PTPRN2: variants seen among roughly 807,000 people sequenced by gnomAD.
The protein encoded by PTPRN2 is protein tyrosine phosphatase receptor type N2.
PTPRN2 carries 74 observed loss-of-function variants against 118.8 expected under a neutral mutation model. That is an observed-to-expected ratio of 0.62 (90% confidence interval 0.52 to 0.76). PTPRN2 has a LOEUF of 0.76. Ranked by LOEUF, PTPRN2 falls within the 30% of genes least tolerant of loss-of-function variation. PTPRN2 has a pLI of 0.00. For synonymous variants in PTPRN2, 641 were observed against 608.0 expected (o/e 1.05, Z -0.80); for missense variants, 1,481 against 1,394.4 (o/e 1.06, Z -0.99).
Position 158,310,870 on chromosome 7 carries a change from C to CGGACAGAGCGCAAG in PTPRN2, c.277+5948_277+5949insCTTGCGCTCTGTCC, listed in dbSNP as rs1563116974. ...ATCCCACGGAGGGCGAGCCCTGAGC[C>CGGACAGAGCGCAAG]TGACAGAGCGCGAGTCACACGGAGG... is the stretch of plus-strand genomic sequence containing the variant. On this transcript the variant is annotated intron_variant, in intron 3 of 22. Transcript: ENST00000389418. 6.1e-5 allele frequency among the ~76,000 whole-genome samples: 4 copies of CGGACAGAGCGCAAG among 65,280 alleles called. 2 individuals carry two copies. The highest frequency in any genetic ancestry group is 1.5e-4 in the Non-Finnish European group (4 of 27,446). 42.8% of individuals were successfully genotyped at this position (65,280 alleles called of 152,430 possible). A position where few individuals can be genotyped will look rare whatever the true frequency, so the allele number is the denominator to read the frequency against.
At chr7:157,915,774 T>C (rs1798362440) in intron 11 of PTPRN2, among the ~76,000 whole-genome samples, 1 of 152,302 alleles carries the variant, frequency 6.6e-6, no homozygotes, top group East Asian at 1.9e-4. Flanking sequence ...TCACTTGGCT[T>C]GGGATCTCCA....
chr7:158,071,067 T>TCGTGGTGGTGGAGGTGCC (rs1585332086), intron 11 of PTPRN2, among the ~76,000 whole-genome samples: 1 of 50,466 alleles, frequency 2.0e-5, no homozygotes, highest in Non-Finnish European at 3.6e-5. Flanking sequence ...GTGGAGGTGC[T>TCGTGGTGGTGGAGGTGCC]CGTGGTGGTG....
intron 21 of PTPRN2, among the ~76,000 whole-genome samples, chr7:157,558,638 G>C (rs559226435): frequency 1.3e-5 from 2 of 152,348 alleles, no homozygotes; most frequent in South Asian, 2.1e-4. Context: ...CTCATGCACT[G>C]GTCCAGCGGG....
Position 157,767,545 on chromosome 7 carries a change from C to T in PTPRN2, c.1789-84608G>A, listed in dbSNP as rs117897634. 6.8e-3 allele frequency among the ~76,000 whole-genome samples: 1,029 copies of T among 152,346 alleles called. 29 individuals are homozygous for T. Among genetic ancestry groups the T allele is most frequent in the Admixed American group, 0.046 (711 of 15,298 alleles). On this transcript the variant is annotated intron_variant, in intron 12 of 22. Coordinates refer to ENST00000389418, the MANE Select transcript of PTPRN2 (RefSeq NM_002847.5). ...ATACAGCAGTAAGAATGCTCCTGCT[C>T]TCCCAGGAAACACTGCATTGGGGAA...
rs1386329003 is a variant in PTPRN2, at chr7:157,655,851, G to A, written c.2196+506C>T. 2.0e-5 allele frequency among the ~76,000 whole-genome samples: 3 copies of A among 152,070 alleles called. No individual in the cohort carries two copies. The South Asian group carries it at 6.2e-4, about 32-fold the overall frequency. Reference sequence around the variant, plus strand: ...CCCTGGAAAAGGCCGCTGAAGCCGCGTCGCCGTGAGCCTCTGGCCGGCGCC... The same window carrying A: ...CCCTGGAAAAGGCCGCTGAAGCCGCATCGCCGTGAGCCTCTGGCCGGCGCC... On this transcript the variant is annotated intron_variant, in intron 14 of 22. Transcript: ENST00000389418.
intron 10 of PTPRN2, among the ~76,000 whole-genome samples, chr7:158,084,485 T>C (rs1441024157): frequency 1.3e-5 from 2 of 152,220 alleles, no homozygotes; most frequent in East Asian, 1.9e-4. Flanking sequence ...CCCATGTGCA[T>C]ATTGCCAGCA....
rs754320725 is a variant in PTPRN2, at chr7:157,990,301, G to C, written c.1723+90997C>G. On this transcript the variant is annotated intron_variant, in intron 11 of 22. Coordinates refer to ENST00000389418, the MANE Select transcript of PTPRN2 (RefSeq NM_002847.5). This position sits in a 1 kb window ranked among gnomAD's most constrained non-coding sequence, Gnocchi z 4.3. ...GTCGTGTAGCGACACAGCTTCCCAA[G>C]CAGGCGAGTGACCTGGAGCACAGAG... 6.6e-6 allele frequency among the ~76,000 whole-genome samples: 1 copy of C among 152,082 alleles called. No individual in the cohort carries two copies. The highest frequency in any genetic ancestry group is 2.4e-5 in the African/African-American group (1 of 41,398).
chr7:158,372,036 C>T (rs978356557), intron 2 of PTPRN2, among the ~76,000 whole-genome samples: 34 of 152,298 alleles, frequency 2.2e-4, no homozygotes, highest in African/African-American at 6.7e-4. Flanking sequence ...TGGCTGTGTG[C>T]GGAAGACCCC....
intron 2 of PTPRN2, among the ~76,000 whole-genome samples, chr7:158,399,709 G>A (rs1812788149): frequency 1.3e-5 from 2 of 152,170 alleles, no homozygotes; most frequent in South Asian, 4.1e-4. Flanking sequence ...GGAAGGGGAG[G>A]GGAGAGGAGG....
chr7:157,733,792 C>G (rs866387584), intron 12 of PTPRN2, among the ~76,000 whole-genome samples: 3 of 14,762 alleles, frequency 2.0e-4, no homozygotes, highest in Admixed American at 6.5e-4. Flanking sequence ...TCCCGTCCCA[C>G]GCGCCCAGCA....
intron 1 of PTPRN2, among the ~76,000 whole-genome samples, chr7:158,504,356 CCCA>C (rs1216714476): frequency 1.3e-5 from 2 of 152,168 alleles, no homozygotes; most frequent in African/African-American, 4.8e-5. Flanking sequence ...CCTGCCCACC[CCCA>C]CAACAGGTGC....
At chr7:158,107,263 C>A (rs963071188) in intron 10 of PTPRN2, among the ~76,000 whole-genome samples, 1 of 152,054 alleles carries the variant, frequency 6.6e-6, no homozygotes, top group Middle Eastern at 3.2e-3. Flanking sequence ...TGGACAGCAC[C>A]CCTTAGAAGT....
intron 2 of PTPRN2, among the ~76,000 whole-genome samples, chr7:158,329,801 T>G (rs933960885): frequency 6.6e-6 from 1 of 152,210 alleles, no homozygotes; most frequent in East Asian, 1.9e-4. Context: ...GTCCACATGG[T>G]CCCACTTCAC....
At chr7:158,503,242 T>A (rs936026082) in intron 1 of PTPRN2, among the ~76,000 whole-genome samples, 1 of 152,254 alleles carries the variant, frequency 6.6e-6, no homozygotes, top group African/African-American at 2.4e-5. Context: ...GACTCCAGGA[T>A]GGGACTCTCT....
In PTPRN2 at chr7:157,638,320, G is replaced by A. The variant is rs551514945; in HGVS notation, c.2197-16811C>T. 4.6e-5 allele frequency among the ~76,000 whole-genome samples: 7 copies of A among 152,114 alleles called. No individual in the cohort carries two copies. In the South Asian group the frequency reaches 6.2e-4, roughly 14 times the overall value. On this transcript the variant is annotated intron_variant, in intron 14 of 22. Transcript: ENST00000389418. ...AGCTTGGAGGGGTCAGTCTATGTGC[G>A]AGACAAAGTTAATATCCAGCTCTTC...
chr7:158,410,077 C>T (rs1200354785), intron 2 of PTPRN2, among the ~76,000 whole-genome samples: 1 of 152,170 alleles, frequency 6.6e-6, no homozygotes, highest in South Asian at 2.1e-4. Flanking sequence ...CCTACGGCTG[C>T]AGGCAGACCT....
In PTPRN2 at chr7:157,815,776, G is replaced by A. The variant is rs62476422; in HGVS notation, c.1788+82897C>T. Among the ~76,000 whole-genome samples the A allele has an allele frequency of 2.4e-3, 373 of 152,278 alleles. 1 individual carries two copies. Among genetic ancestry groups the A allele is most frequent in the East Asian group, 0.023 (118 of 5,166 alleles). On this transcript the variant is annotated intron_variant, in intron 12 of 22. Coordinates refer to ENST00000389418, the MANE Select transcript of PTPRN2 (RefSeq NM_002847.5). ...CAGCCTGCCATGAGCTGGGGCGCGCGCACATGTGTGTAAAGCAGCACACAT... is the reference window on the plus strand; with the variant it reads ...CAGCCTGCCATGAGCTGGGGCGCGCACACATGTGTGTAAAGCAGCACACAT...
At chr7:157,684,672 C>T (rs1195609483) in intron 12 of PTPRN2, among the ~76,000 whole-genome samples, 1 of 151,724 alleles carries the variant, frequency 6.6e-6, no homozygotes, top group African/African-American at 2.4e-5. Flanking sequence ...GACCCAGCCC[C>T]AGAGTCCGCC....
chr7:157,580,395 A>C (rs1800282107), intron 17 of PTPRN2, among the ~76,000 whole-genome samples: 1 of 151,992 alleles, frequency 6.6e-6, no homozygotes, highest in Admixed American at 6.5e-5. Flanking sequence ...AGGGTAAGAG[A>C]ACACGGCCCC....
Sources: gnomAD v4.1 joint callset for allele counts (sites outside exome capture counted in the v4.1 genomes callset) on GRCh38, gnomAD v4.1.1 for gene constraint, Gnocchi (gnomAD v3.1) non-coding constraint, MANE v1.5 for transcripts, NCBI Gene and HGNC (gene_info 2026-07-23, HGNC 2026-07-21) for gene names.